Variants in EEFSEC observed in about 807,000 individuals in gnomAD.
EEFSEC encodes the protein selenocysteine-specific elongation factor.
A neutral mutation model predicts 42.1 loss-of-function variants in EEFSEC; 43 were observed. The observed-to-expected ratio is 1.02, with a 90% CI of 0.80 to 1.32. EEFSEC has a LOEUF of 1.32. Among genes scored for constraint, EEFSEC ranks in the 40% most tolerant of loss-of-function variants. The pLI is 0.00. For missense variants in EEFSEC, 745 were observed against 803.6 expected (o/e 0.93, Z 0.88); for synonymous variants, 354 against 339.1 (o/e 1.04, Z -0.48).
At chr3:128,163,354 T>C (rs1219995846) in intron 1 of EEFSEC, among the ~76,000 whole-genome samples, 1 of 152,102 alleles carries the variant, frequency 6.6e-6, no homozygotes, top group African/African-American at 2.4e-5. Flanking sequence ...CTCCAATGGC[T>C]GGTTTCCATG....
At chr3:128,232,935 C>A (rs374910144) in intron 1 of EEFSEC, among the ~76,000 whole-genome samples, 1 of 152,226 alleles carries the variant, frequency 6.6e-6, no homozygotes, top group East Asian at 1.9e-4. Context: ...CTCCACTCTT[C>A]GTGTGTCTTC....
chr3:128,409,902 A>G (rs547250218), downstream of EEFSEC, among the ~76,000 whole-genome samples: 1 of 152,166 alleles, frequency 6.6e-6, no homozygotes, highest in Non-Finnish European at 1.5e-5. Flanking sequence ...AGGCAGTGCC[A>G]CTTCACTGAG....
At chr3:128,365,070 G>A (rs1267065110) in intron 6 of EEFSEC, among the ~76,000 whole-genome samples, 3 of 152,238 alleles carry the variant, frequency 2.0e-5, no homozygotes, top group Non-Finnish European at 4.4e-5. Flanking sequence ...CCAGCTGGTA[G>A]CCCGTGGCCC....
At chr3:128,327,112 AC>A (rs2067072275) in intron 4 of EEFSEC, among the ~76,000 whole-genome samples, 1 of 152,166 alleles carries the variant, frequency 6.6e-6, no homozygotes, top group East Asian at 1.9e-4. Flanking sequence ...CAGTGTGGAC[AC>A]CTCATGTCAC....
chr3:128,405,452 G>C (rs2068097764), intron 6 of EEFSEC, among the ~76,000 whole-genome samples: 2 of 152,202 alleles, frequency 1.3e-5, no homozygotes, highest in South Asian at 2.1e-4. Flanking sequence ...ATTGGGTAAG[G>C]GCTGTAGCTC....
intron 1 of EEFSEC, among the ~76,000 whole-genome samples, chr3:128,233,990 C>T (rs1219376741): frequency 6.6e-6 from 1 of 152,094 alleles, no homozygotes; most frequent in Non-Finnish European, 1.5e-5. Flanking sequence ...CATTCTCTTT[C>T]TTCCTTTCCC....
intron 1 of EEFSEC, among the ~76,000 whole-genome samples, chr3:128,197,947 CTG>C (rs1244222453): frequency 6.6e-6 from 1 of 152,196 alleles, no homozygotes; most frequent in Non-Finnish European, 1.5e-5. Flanking sequence ...TATTAAAAAA[CTG>C]AGCCGTCTGT....
At chr3:128,214,014 A>C (rs1365539569) in intron 1 of EEFSEC, among the ~76,000 whole-genome samples, 1 of 152,138 alleles carries the variant, frequency 6.6e-6, no homozygotes, top group Non-Finnish European at 1.5e-5. Flanking sequence ...GAAAGACATA[A>C]TGGGGACAAT....
intron 6 of EEFSEC, among the ~76,000 whole-genome samples, chr3:128,360,147 G>A (rs1039595235): frequency 2.6e-5 from 4 of 152,234 alleles, no homozygotes; most frequent in Non-Finnish European, 5.9e-5. Context: ...CTAAAATTCT[G>A]TCCTGTCCTC....
intron 1 of EEFSEC, among the ~76,000 whole-genome samples, chr3:128,238,788 C>T (rs1226640799): frequency 6.6e-6 from 1 of 152,208 alleles, no homozygotes; most frequent in African/African-American, 2.4e-5. Flanking sequence ...GTGGCTGCTG[C>T]TTTTGGGTTT....
At chr3:128,290,696 T>C (rs927447484) in intron 4 of EEFSEC, among the ~76,000 whole-genome samples, 1 of 152,164 alleles carries the variant, frequency 6.6e-6, no homozygotes, top group Non-Finnish European at 1.5e-5. Flanking sequence ...CCTATTGATA[T>C]AGGTCTTTAG....
intron 1 of EEFSEC, among the ~76,000 whole-genome samples, chr3:128,197,470 ACCATATTGG>A (rs1361548877): frequency 6.6e-6 from 1 of 152,152 alleles, no homozygotes; most frequent in Non-Finnish European, 1.5e-5. Context: ...ACAGGGTTTC[ACCATATTGG>A]CCAGGCTGAT....
At chr3:128,224,822 C>T (rs1468945814) in intron 1 of EEFSEC, among the ~76,000 whole-genome samples, 2 of 152,198 alleles carry the variant, frequency 1.3e-5, no homozygotes, top group African/African-American at 4.8e-5. Flanking sequence ...AAATATGGTT[C>T]CCTACCTCCT....
intron 6 of EEFSEC, among the ~76,000 whole-genome samples, chr3:128,374,554 C>T (rs1178211242): frequency 6.6e-6 from 1 of 152,028 alleles, no homozygotes; most frequent in Admixed American, 6.5e-5. Context: ...ACTGGGGACC[C>T]CATTCCAGTT....
At chr3:128,271,742 C>T (rs762978170) in intron 4 of EEFSEC, among the ~76,000 whole-genome samples, 6 of 152,112 alleles carry the variant, frequency 3.9e-5, no homozygotes, top group African/African-American at 7.2e-5. Context: ...CCTGCAGGGC[C>T]GCTTCTGTGG....
At chr3:128,290,901 T>C (rs1366751226) in intron 4 of EEFSEC, among the ~76,000 whole-genome samples, 2 of 151,930 alleles carry the variant, frequency 1.3e-5, no homozygotes, top group Non-Finnish European at 2.9e-5. Flanking sequence ...CCCACCACCA[T>C]ACCTGGCTTT....
At chr3:128,269,246 G>A (rs72973502) in intron 4 of EEFSEC, among the ~76,000 whole-genome samples, 305 of 152,358 alleles carry the variant, frequency 2.0e-3, no homozygotes, top group African/African-American at 7.0e-3. Context: ...CTGCTGTCAC[G>A]GGAGCCCCAG....
chr3:128,320,971 G>A (rs1044618359), intron 4 of EEFSEC, among the ~76,000 whole-genome samples: 4 of 152,232 alleles, frequency 2.6e-5, no homozygotes, highest in East Asian at 3.9e-4. Context: ...TAGGCTTGCT[G>A]TGAGGATTGA....
chr3:128,198,870 C>A (rs759896403), intron 1 of EEFSEC, among the ~76,000 whole-genome samples: 10 of 151,176 alleles, frequency 6.6e-5, no homozygotes, highest in Non-Finnish European at 1.2e-4. Flanking sequence ...CTCACCCTGT[C>A]GCCCATGCTG....
Sources: gnomAD v4.1 joint callset for allele counts (sites outside exome capture counted in the v4.1 genomes callset) on GRCh38, gnomAD v4.1.1 for gene constraint, MANE v1.5 for transcripts, NCBI Gene and HGNC (gene_info 2026-07-23, HGNC 2026-07-21) for gene names.